MYOM1: variants seen among roughly 807,000 people sequenced by gnomAD.
MYOM1 encodes myomesin 1, also known as myomesin-1.
Under a neutral mutation model 205.3 loss-of-function variants are expected in MYOM1, and 164 were observed. The observed-to-expected ratio is 0.80, with a 90% confidence interval of 0.70 to 0.91. The LOEUF (loss-of-function observed/expected upper bound fraction) is 0.91, where lower values mean the gene tolerates loss of function less well. Among genes scored for constraint, MYOM1 ranks in the 40% least tolerant of loss-of-function variants. The pLI is 0.00. For synonymous variants in MYOM1, 772 were observed against 789.4 expected, an observed-to-expected ratio of 0.98 and a Z score of 0.37; for missense variants, 2,011 against 2,127.3, an observed-to-expected ratio of 0.95 and a Z score of 1.08.
At position 3,067,382 on chromosome 18, in the gene MYOM1, C is replaced by G; in HGVS notation, c.4938G>C (p.Leu1646=). ...CCGAGCCATACTTGTTCTTCACAACCAGCCCGTATTTGCCCGAGTCAGCGG... is the reference window on the plus strand; with the variant it reads ...CCGAGCCATACTTGTTCTTCACAACGAGCCCGTATTTGCCCGAGTCAGCGG... ...VSTADSGKYG[L]VVKNKYGSET... is the part of the protein sequence containing the mutation. The change falls in exon 38 of 38, where the codon CTG becomes CTC. Residue 1646 remains leucine (L), a synonymous_variant. Transcript: ENST00000356443. 1 of 1,613,208 alleles carries G rather than the reference C, an allele frequency of 6.2e-7. No homozygotes were observed. Among genetic ancestry groups the G allele is most frequent in the East Asian group, 2.2e-5 (1 of 44,886 alleles).
chr18:3,107,179 A>T (rs2079462322), intron 22 of MYOM1, among the ~76,000 whole-genome samples: 1 of 152,100 alleles, frequency 6.6e-6, no homozygotes, highest in Non-Finnish European at 1.5e-5. Flanking sequence ...GTGCAGTGGC[A>T]CGATCTCGGC....
chr18:3,075,811 C>T (rs1268417583), intron 34 of MYOM1, 50 bp from the exon 35 acceptor site: 2 of 1,482,172 alleles, frequency 1.3e-6, no homozygotes, highest in African/African-American at 2.8e-5. Flanking sequence ...GAATTGATGA[C>T]ACACAGGGGC....
chr18:3,229,146 TC>T, the MYOM1 span, among the ~76,000 whole-genome samples: 1 of 152,216 alleles, frequency 6.6e-6, no homozygotes, highest in African/African-American at 2.4e-5. Flanking sequence ...CTCTGTGACT[TC>T]TTTTGAGAGG....
intron 12 of MYOM1, 73 bp from the exon 13 acceptor site, chr18:3,149,274 G>A: frequency 7.7e-7 from 1 of 1,291,678 alleles, no homozygotes. Flanking sequence ...GATGAATTGG[G>A]AAAGTGGCCA....
intron 37 of MYOM1, among the ~76,000 whole-genome samples, chr18:3,069,210 C>T (rs2078933415): frequency 6.6e-6 from 1 of 152,188 alleles, no homozygotes; most frequent in South Asian, 2.1e-4. Flanking sequence ...TGTTGTACAC[C>T]AGCCCACCCA....
At chr18:3,241,873 G>C in the MYOM1 span, among the ~76,000 whole-genome samples, 2 of 152,338 alleles carry the variant, frequency 1.3e-5, no homozygotes, top group Non-Finnish European at 2.9e-5. Context: ...GAGACATGGA[G>C]TCAAAGGAGA....
the MYOM1 span, among the ~76,000 whole-genome samples, chr18:3,228,332 T>A: frequency 6.6e-6 from 1 of 152,216 alleles, no homozygotes; most frequent in South Asian, 2.1e-4. The surrounding 1 kb of genome is among the most constrained non-coding windows in gnomAD (Gnocchi z 4.5). Context: ...TGCCTTTTGC[T>A]GTGGCTGGAG....
chr18:3,142,283 G>A (rs759823830), intron 13 of MYOM1, among the ~76,000 whole-genome samples: 1 of 151,822 alleles, frequency 6.6e-6, no homozygotes, highest in Admixed American at 6.6e-5. Context: ...TGGAGGGGGG[G>A]AAGGGTTTCA....
chr18:3,080,103 T>C (rs2079067355), intron 33 of MYOM1, among the ~76,000 whole-genome samples: 1 of 152,162 alleles, frequency 6.6e-6, no homozygotes, highest in Admixed American at 6.5e-5. Flanking sequence ...AAAGAAACTT[T>C]ATGAAGAAGT....
At chr18:3,080,065 C>G (rs1293825586) in intron 33 of MYOM1, among the ~76,000 whole-genome samples, 1 of 151,958 alleles carries the variant, frequency 6.6e-6, no homozygotes, top group East Asian at 1.9e-4. Context: ...TAAGAGAAAG[C>G]TAGGTAGATG....
At chr18:3,100,063 C>G in intron 25 of MYOM1, 96 bp downstream of exon 25, 1 of 1,248,228 alleles carries the variant, frequency 8.0e-7, no homozygotes, top group Non-Finnish European at 1.2e-6. Context: ...TCAAGAGTCT[C>G]TCTCTTAATC....
chr18:3,182,663 C>T (rs2080752812), intron 5 of MYOM1, among the ~76,000 whole-genome samples: 1 of 152,216 alleles, frequency 6.6e-6, no homozygotes, highest in East Asian at 1.9e-4. Flanking sequence ...TTGGGTTCTT[C>T]CATATCCTTC....
At chr18:3,170,328 A>G (rs917339032) in intron 8 of MYOM1, among the ~76,000 whole-genome samples, 3 of 152,226 alleles carry the variant, frequency 2.0e-5, no homozygotes, top group African/African-American at 7.2e-5. Flanking sequence ...GGATGCTCCA[A>G]TTACCCTGAT....
At chr18:3,190,975 C>T (rs1291540132) in intron 3 of MYOM1, among the ~76,000 whole-genome samples, 1 of 151,566 alleles carries the variant, frequency 6.6e-6, no homozygotes. Context: ...AGCTAAACTT[C>T]GAAAAAAAAC....
chr18:3,155,991 T>G (rs751404558), intron 10 of MYOM1, among the ~76,000 whole-genome samples: 2 of 152,180 alleles, frequency 1.3e-5, no homozygotes, highest in African/African-American at 2.4e-5. Context: ...AAGTCCGGGA[T>G]AATACAGGAA....
At chr18:3,238,266 G>A in the MYOM1 span, among the ~76,000 whole-genome samples, 434 of 152,204 alleles carry the variant, frequency 2.9e-3, 6 homozygotes, top group African/African-American at 1.0e-2. Context: ...ATGCTCCTAA[G>A]AGAATCTAAA....
chr18:3,120,255 T>C (rs933638393), intron 19 of MYOM1, among the ~76,000 whole-genome samples: 5 of 152,072 alleles, frequency 3.3e-5, no homozygotes, highest in African/African-American at 1.2e-4. Flanking sequence ...AAAGATATTA[T>C]AGATTAGGGT....
intron 22 of MYOM1, among the ~76,000 whole-genome samples, chr18:3,109,577 C>T (rs2079496828): frequency 6.6e-6 from 1 of 152,162 alleles, no homozygotes; most frequent in Non-Finnish European, 1.5e-5. Flanking sequence ...TCAGAAACAA[C>T]CTCTTAACCT....
intron 2 of MYOM1, among the ~76,000 whole-genome samples, chr18:3,207,376 G>C (rs367661009): frequency 2.0e-5 from 3 of 152,274 alleles, no homozygotes; most frequent in South Asian, 2.1e-4. Context: ...ATAGTATAAA[G>C]ACACTTGACA....
Sources: gnomAD v4.1 joint callset for allele counts (sites outside exome capture counted in the v4.1 genomes callset) on GRCh38, gnomAD v4.1.1 for gene constraint, Gnocchi (gnomAD v3.1) non-coding constraint, MANE v1.5 for transcripts, NCBI Gene and HGNC (gene_info 2026-07-23, HGNC 2026-07-21) for gene names.